The following SRPX variants were observed in gnomAD, a reference collection of about 807,000 sequenced individuals.
SRPX encodes the protein sushi repeat containing protein X-linked.
A neutral mutation model predicts 38.1 loss-of-function variants in SRPX; 24 were observed. That is an observed-to-expected ratio of 0.63 (90% CI 0.46 to 0.89). The LOEUF (loss-of-function observed/expected upper bound fraction) is 0.89. Ranked by LOEUF, SRPX falls within the 40% of genes least tolerant of loss-of-function variation. The probability of loss-of-function intolerance (pLI) is 0.00; values close to 1 mark genes in which losing one functional copy is unlikely to be tolerated. For missense variants in SRPX, 416 were observed against 377.8 expected, an observed-to-expected ratio of 1.10 and a Z score of -0.84; for synonymous variants, 184 against 153.8, an observed-to-expected ratio of 1.20 and a Z score of -1.45.
intron 7 of SRPX, among the ~76,000 whole-genome samples, chrX:38,158,257 G>A (rs749176181): frequency 2.0e-4 from 22 of 111,954 alleles, no homozygotes; most frequent in African/African-American, 6.8e-4. Flanking sequence ...ATGGGACAAG[G>A]CGGTTTTATA....
chrX:38,177,737 G>A (rs1434121460), intron 2 of SRPX, among the ~76,000 whole-genome samples: 1 of 111,501 alleles, frequency 9.0e-6, no homozygotes, highest in Non-Finnish European at 1.9e-5. Context: ...CTTTTTATAC[G>A]TGCTGGGGAG....
chrX:38,196,402 G>T (rs1373456453), intron 1 of SRPX, among the ~76,000 whole-genome samples: 1 of 112,419 alleles, frequency 8.9e-6, no homozygotes. Flanking sequence ...AAGTTTCATG[G>T]AACAATATTT....
At position 38,149,750 on chromosome X, in the gene SRPX, C is replaced by T. The variant is rs371249395; in HGVS notation, c.1356G>A (p.Met452Ile). The change falls in exon 10 of 10, where the codon ATG becomes ATA. Residue 452 changes from methionine to isoleucine, a missense_variant. Coordinates refer to ENST00000378533, the MANE Select transcript of SRPX (RefSeq NM_006307.5). Reference sequence around the variant, plus strand: ...TCTGGCTCATTTCGGCTTGTAGGACCATCTCTTCTTTTCTCAAGGGAAAAG... The same window carrying T: ...TCTGGCTCATTTCGGCTTGTAGGACTATCTCTTCTTTTCTCAAGGGAAAAG... ...IDTFPLRKEE[M>I]VLQAEMSQTC... 7 of 1,209,305 alleles carry T rather than the reference C, an allele frequency of 5.8e-6. No individual in the cohort carries two copies. The African/African-American group carries it at 1.2e-4, about 21-fold the overall frequency.
At position 38,165,892 on chromosome X, in the gene SRPX, G is replaced by T. The variant is rs184248932; in HGVS notation, c.527-997C>A. 1.8e-3 allele frequency among the ~76,000 whole-genome samples: 203 copies of T among 111,760 alleles called. 3 individuals are homozygous for T. Among genetic ancestry groups the T allele is most frequent in the African/African-American group, 6.1e-3 (189 of 30,746 alleles). On this transcript the variant is annotated intron_variant, in intron 4 of 9. Transcript: ENST00000378533. ...TTCTCTACCTGGTAATAGGAGTTCT[G>T]CCTCGATAGTGATAACAAGGATGGG... is the stretch of plus-strand genomic sequence containing the variant.
At chrX:38,199,213 T>C (rs900964328) in intron 1 of SRPX, among the ~76,000 whole-genome samples, 23 of 111,453 alleles carry the variant, frequency 2.1e-4, no homozygotes, top group African/African-American at 5.5e-4. Context: ...GAGACCATCC[T>C]GGCTAACACG....
intron 1 of SRPX, among the ~76,000 whole-genome samples, chrX:38,187,309 T>C (rs774030367): frequency 1.8e-5 from 2 of 112,234 alleles, no homozygotes; most frequent in Non-Finnish European, 3.8e-5. Context: ...AAGTTTTCTG[T>C]GTGTTTTTTA....
Position 38,149,372 on chromosome X carries a change from G to A in SRPX, c.*339C>T, listed in dbSNP as rs377042774. 3.5e-5 allele frequency: 5 copies of A among 140,931 alleles called. No individual in the cohort carries two copies. Among genetic ancestry groups the A allele is most frequent in the Non-Finnish European group, 6.9e-5 (5 of 72,951 alleles). The allele number at this position is 140,931 out of a possible 1,213,427, so 11.6% of individuals were successfully genotyped here. The stretch of plus-strand genomic sequence containing the variant: ...AAAACATTTTGTTTTATTAATAAAA[G>A]TCTTACTTAAAAAACAAAATAGAAA... On this transcript the variant is annotated 3_prime_UTR_variant, in exon 10 of 10. Coordinates refer to ENST00000378533, the MANE Select transcript of SRPX (RefSeq NM_006307.5).
At chrX:38,178,428 C>T in intron 1 of SRPX, 84 bp from the exon 2 acceptor site, 1 of 826,865 alleles carries the variant, frequency 1.2e-6, no homozygotes, top group African/African-American at 2.0e-5. Context: ...TGCCACAGAC[C>T]ATGCAGGAGG....
intron 3 of SRPX, among the ~76,000 whole-genome samples, chrX:38,172,515 A>C (rs1938493257): frequency 8.8e-6 from 1 of 113,221 alleles, no homozygotes; most frequent in Non-Finnish European, 1.9e-5. Flanking sequence ...CAGAAGACAC[A>C]AAGTTTCCTG....
At chrX:38,174,745 T>A (rs1938539460) in intron 2 of SRPX, among the ~76,000 whole-genome samples, 1 of 112,118 alleles carries the variant, frequency 8.9e-6, no homozygotes, top group African/African-American at 3.2e-5. Flanking sequence ...ATACATAAGA[T>A]TTTTTATTTT....
At position 38,172,036 on chromosome X, in the gene SRPX, G is replaced by A. The variant is rs372347491; in HGVS notation, c.371C>T (p.Ala124Val). Residue 124 changes from alanine (A) to valine (V), a missense_variant, in exon 4 of 10, where the codon GCC becomes GTC. Transcript: ENST00000378533. ...CTTAAACCCTCCATTTGCTGGCATG[G>A]CAAGGGTAGGACATCGCTTTTCTGA... Reference protein sequence around the residue: ...ICKQKRCPTLAMPANGGFKCV... With the variant: ...ICKQKRCPTLVMPANGGFKCV... 1.7e-6 allele frequency: 2 copies of A among 1,211,145 alleles called. No homozygotes were observed. The highest frequency in any genetic ancestry group is 2.2e-6 in the Non-Finnish European group (2 of 894,957).
chrX:38,220,625 G>A (rs1939499082), intron 1 of SRPX, 71 bp downstream of exon 1: 2 of 1,152,786 alleles, frequency 1.7e-6, no homozygotes, highest in Non-Finnish European at 2.3e-6. Flanking sequence ...TATCCCGAGC[G>A]AAGGGTCCCA....
intron 1 of SRPX, among the ~76,000 whole-genome samples, chrX:38,218,650 C>G (rs1245242384): frequency 8.9e-6 from 1 of 112,446 alleles, no homozygotes; most frequent in African/African-American, 3.2e-5. Context: ...TTCACTTTCT[C>G]TCTTACTGAA....
chrX:38,152,498 T>A (rs1158251883), intron 9 of SRPX, among the ~76,000 whole-genome samples: 2 of 112,390 alleles, frequency 1.8e-5, no homozygotes, highest in Non-Finnish European at 3.8e-5. Context: ...AGAGACCTAC[T>A]GAATCAGAAA....
At chrX:38,157,506 G>A (rs1026448710) in intron 7 of SRPX, among the ~76,000 whole-genome samples, 12 of 111,259 alleles carry the variant, frequency 1.1e-4, no homozygotes, top group Admixed American at 1.0e-3. Context: ...TCCTTCCATC[G>A]TCTCTTTCTA....
Position 38,154,569 on chromosome X carries a change from G to A in SRPX, c.1104C>T (p.Gly368=). 2.5e-6 allele frequency: 3 copies of A among 1,208,504 alleles called. No homozygotes were observed. Among genetic ancestry groups the A allele is most frequent in the Non-Finnish European group, 3.4e-6 (3 of 894,180 alleles). Residue 368 remains glycine, a synonymous_variant, in exon 9 of 10, where the codon GGC becomes GGT. Coordinates refer to ENST00000378533, the MANE Select transcript of SRPX (RefSeq NM_006307.5). ...QLGMLQQAQC[G]LDLRHITVVE... is the part of the protein sequence containing the mutation. ...CCACGGTGATGTGTCGAAGATCAAG[G>A]CCACACTGTGCTTGCTGGGAAAAAG... is the stretch of plus-strand genomic sequence containing the variant.
At chrX:38,154,433 T>A in intron 9 of SRPX, 29 bp downstream of exon 9, 1 of 1,187,777 alleles carries the variant, frequency 8.4e-7, no homozygotes, top group Non-Finnish European at 1.1e-6. Context: ...TCACAGGGGA[T>A]AAGATTTAAG....
intron 1 of SRPX, among the ~76,000 whole-genome samples, chrX:38,208,229 C>T (rs1439640492): frequency 9.0e-6 from 1 of 111,674 alleles, no homozygotes; most frequent in African/African-American, 3.3e-5. Flanking sequence ...CAGCTCAATA[C>T]ATTCTATGTA....
chrX:38,210,214 G>A (rs1271867154), intron 1 of SRPX, among the ~76,000 whole-genome samples: 1 of 111,819 alleles, frequency 8.9e-6, no homozygotes, highest in African/African-American at 3.3e-5. Context: ...GGTGTGGTCT[G>A]AGAATGTATA....
Sources: gnomAD v4.1 joint callset for allele counts (sites outside exome capture counted in the v4.1 genomes callset) on GRCh38, gnomAD v4.1.1 for gene constraint, MANE v1.5 for transcripts, NCBI Gene and HGNC (gene_info 2026-07-23, HGNC 2026-07-21) for gene names.